NRG3: variants seen among roughly 807,000 people sequenced by gnomAD.
NRG3 encodes neuregulin 3.
A neutral mutation model predicts 66.9 loss-of-function variants in NRG3; 31 were observed. The observed-to-expected ratio is 0.46, with a 90% CI of 0.35 to 0.63. The LOEUF is 0.63. NRG3 is among the 20% of genes least tolerant of loss of function. The pLI, the probability that NRG3 is intolerant of heterozygous loss-of-function variation, is 0.00. For missense variants in NRG3, 910 were observed against 878.9 expected, an observed-to-expected ratio of 1.04 and a Z score of -0.45; for synonymous variants, 393 against 359.4, an observed-to-expected ratio of 1.09 and a Z score of -1.06.
At chr10:82,707,206 C>G (rs1299642571) in intron 2 of NRG3, among the ~76,000 whole-genome samples, 1 of 151,758 alleles carries the variant, frequency 6.6e-6, no homozygotes, top group Non-Finnish European at 1.5e-5. Context: ...CCTTTTGTTG[C>G]ATTCCTTCTC....
At chr10:82,014,586 G>C (rs1381337032) in intron 1 of NRG3, among the ~76,000 whole-genome samples, 2 of 152,106 alleles carry the variant, frequency 1.3e-5, no homozygotes, top group African/African-American at 4.8e-5. Context: ...TATGTGCCTT[G>C]CCTAAATCTG....
At chr10:82,864,926 T>C (rs1462974382) in intron 3 of NRG3, among the ~76,000 whole-genome samples, 1 of 152,094 alleles carries the variant, frequency 6.6e-6, no homozygotes, top group Non-Finnish European at 1.5e-5. Flanking sequence ...CCAACATCAT[T>C]GCTTTTTTTG....
intron 1 of NRG3, among the ~76,000 whole-genome samples, chr10:82,134,167 G>A (rs11528200): frequency 0.021 from 3,264 of 152,108 alleles, 134 homozygotes; most frequent in East Asian, 0.14. Flanking sequence ...TTAGACCTTT[G>A]TCACATGCAT....
intron 2 of NRG3, among the ~76,000 whole-genome samples, chr10:82,735,828 C>T (rs148919249): frequency 0.019 from 2,833 of 152,056 alleles, 96 homozygotes; most frequent in African/African-American, 0.064. Context: ...ACCTGGATGT[C>T]GGGTTGGTGG....
intron 1 of NRG3, among the ~76,000 whole-genome samples, chr10:82,081,519 T>C (rs1191913979): frequency 6.6e-6 from 1 of 152,172 alleles, no homozygotes; most frequent in African/African-American, 2.4e-5. Flanking sequence ...TGATAGATGA[T>C]AGATTATAGT....
chr10:82,479,423 G>A (rs1358136275), intron 2 of NRG3, among the ~76,000 whole-genome samples: 1 of 151,846 alleles, frequency 6.6e-6, no homozygotes, highest in Non-Finnish European at 1.5e-5. Context: ...AACTGGCCGG[G>A]CGCGGTGGCT....
At chr10:82,262,294 C>G (rs1375848060) in intron 1 of NRG3, among the ~76,000 whole-genome samples, 27 of 152,134 alleles carry the variant, frequency 1.8e-4, no homozygotes. Context: ...GGAGTAGTGA[C>G]AATCCTGACA....
intron 1 of NRG3, among the ~76,000 whole-genome samples, chr10:81,888,520 G>A (rs1433680769): frequency 1.3e-5 from 2 of 152,134 alleles, no homozygotes; most frequent in Non-Finnish European, 1.5e-5. Flanking sequence ...GATTCCAAAT[G>A]AAAAGCATAT....
chr10:82,823,040 T>C (rs1284670321), intron 3 of NRG3, among the ~76,000 whole-genome samples: 1 of 152,190 alleles, frequency 6.6e-6, no homozygotes, highest in Admixed American at 6.5e-5. Flanking sequence ...CTTTTACTTT[T>C]CCTTCTTCTG....
At chr10:82,865,552 T>A in intron 4 of NRG3, 115 bp downstream of exon 4, 3 of 1,041,188 alleles carry the variant, frequency 2.9e-6, no homozygotes, top group Middle Eastern at 2.1e-4. Flanking sequence ...TCAGATGCTA[T>A]TAGTAGGAAA....
At chr10:82,294,047 GTCC>G (rs1333610681) in intron 1 of NRG3, among the ~76,000 whole-genome samples, 1 of 151,978 alleles carries the variant, frequency 6.6e-6, no homozygotes, top group Non-Finnish European at 1.5e-5. Context: ...TGCCCCGCTT[GTCC>G]TCTCACCAAG....
chr10:82,662,317 A>G (rs2133971701), intron 2 of NRG3, among the ~76,000 whole-genome samples: 1 of 152,240 alleles, frequency 6.6e-6, no homozygotes, highest in African/African-American at 2.4e-5. Flanking sequence ...ACTCTGCTTT[A>G]GAAAACTTTT....
In NRG3 at chr10:82,800,673, A is replaced by G. The variant is rs527743721; in HGVS notation, c.1027+62023A>G. Among the ~76,000 whole-genome samples the G allele has an allele frequency of 1.9e-4, 29 of 152,334 alleles. 1 individual carries two copies. The South Asian group carries it at 3.9e-3, about 21-fold the overall frequency. The stretch of plus-strand genomic sequence containing the variant: ...AATGAAGTCTATTTTCTGTATTATA[A>G]TATTTGGAAGTTATAGGAGATTAGC... On this transcript the variant is annotated intron_variant, in intron 3 of 8. Coordinates refer to ENST00000372141, the MANE Select transcript of NRG3 (RefSeq NM_001010848.4).
At chr10:82,703,328 A>T (rs924178175) in intron 2 of NRG3, among the ~76,000 whole-genome samples, 1 of 152,190 alleles carries the variant, frequency 6.6e-6, no homozygotes, top group Non-Finnish European at 1.5e-5. Context: ...AACATTTTGC[A>T]ATTAAGATAA....
intron 1 of NRG3, among the ~76,000 whole-genome samples, chr10:81,938,643 A>ATGTGTGTGTGTGTGTGTG (rs1564674211): frequency 1.0e-4 from 15 of 145,804 alleles, no homozygotes; most frequent in African/African-American, 3.3e-4. Context: ...GTGTGTGTGC[A>ATGTGTGTGTGTGTGTGTG]TGCATGCATG....
intron 1 of NRG3, among the ~76,000 whole-genome samples, chr10:82,254,181 G>T (rs1363929306): frequency 6.6e-6 from 1 of 152,158 alleles, no homozygotes; most frequent in African/African-American, 2.4e-5. Flanking sequence ...TTGGAAATCA[G>T]ATTGTAAGAT....
chr10:82,010,275 C>T (rs147146272), intron 1 of NRG3, among the ~76,000 whole-genome samples: 3 of 152,162 alleles, frequency 2.0e-5, no homozygotes, highest in Non-Finnish European at 2.9e-5. Flanking sequence ...CAATTCCAAA[C>T]CTAAGCTCAT....
At chr10:82,737,452 C>T (rs2058210280) in intron 2 of NRG3, among the ~76,000 whole-genome samples, 2 of 152,180 alleles carry the variant, frequency 1.3e-5, no homozygotes. Flanking sequence ...ACGCATGGTT[C>T]CTGTCTCTTG....
chr10:82,214,165 A>G (rs924588415), intron 1 of NRG3, among the ~76,000 whole-genome samples: 12 of 152,146 alleles, frequency 7.9e-5, no homozygotes, highest in African/African-American at 2.9e-4. Flanking sequence ...GTCGTAGCCC[A>G]TTATTTCACT....
Sources: allele counts gnomAD v4.1 joint callset (sites outside exome capture counted in the v4.1 genomes callset), GRCh38; gene constraint gnomAD v4.1.1; transcripts MANE v1.5; gene names NCBI Gene and HGNC (gene_info 2026-07-23, HGNC 2026-07-21).